The following ASAP1 variants were observed in gnomAD, a reference collection of about 807,000 sequenced individuals.
ASAP1 encodes ArfGAP with SH3 domain, ankyrin repeat and PH domain 1, also known as arf-GAP with SH3 domain, ANK repeat and PH domain-containing protein 1.
In ASAP1, 43 loss-of-function variants were observed where a neutral mutation model predicts 145.2. The observed-to-expected ratio is 0.30, with a 90% confidence interval of 0.23 to 0.38. ASAP1 has a LOEUF of 0.38. ASAP1 is among the 10% of genes least tolerant of loss of function. The probability of loss-of-function intolerance (pLI) is 1.00; values close to 1 mark genes in which losing one functional copy is unlikely to be tolerated. For synonymous variants in ASAP1, 546 were observed against 515.5 expected, an observed-to-expected ratio of 1.06 and a Z score of -0.80; for missense variants, 1,018 against 1,355.3, an observed-to-expected ratio of 0.75 and a Z score of 3.91.
At chr8:130,240,281 T>A (rs1002708591) in intron 3 of ASAP1, among the ~76,000 whole-genome samples, 1 of 152,060 alleles carries the variant, frequency 6.6e-6, no homozygotes, top group East Asian at 1.9e-4. Flanking sequence ...ACAGCTACAG[T>A]CAGGTAAGTC....
chr8:130,124,181 T>G, intron 17 of ASAP1, 77 bp from the exon 18 acceptor site: 1 of 1,023,974 alleles, frequency 9.8e-7, no homozygotes, highest in Non-Finnish European at 1.5e-6. Context: ...TATTTGTTTT[T>G]GAGATTTATG....
intron 15 of ASAP1, among the ~76,000 whole-genome samples, chr8:130,131,215 T>C (rs1271131804): frequency 2.6e-5 from 4 of 152,202 alleles, no homozygotes; most frequent in Admixed American, 1.3e-4. Flanking sequence ...CAGCAGAGCC[T>C]GGACAAGAAG....
chr8:130,362,946 G>C (rs1397949591), intron 2 of ASAP1, among the ~76,000 whole-genome samples: 1 of 152,192 alleles, frequency 6.6e-6, no homozygotes, highest in East Asian at 1.9e-4. Context: ...ATAGCATGGG[G>C]CATTTCTTTT....
At chr8:130,319,439 T>C (rs1399434637) in intron 3 of ASAP1, among the ~76,000 whole-genome samples, 1 of 152,188 alleles carries the variant, frequency 6.6e-6, no homozygotes, top group Non-Finnish European at 1.5e-5. Context: ...GTGGTGGGGA[T>C]TGCTCCAGGC....
At chr8:130,419,576 G>C (rs945505838) in intron 1 of ASAP1, among the ~76,000 whole-genome samples, 2 of 152,318 alleles carry the variant, frequency 1.3e-5, no homozygotes, top group Admixed American at 1.3e-4. Flanking sequence ...CACTGTGCCA[G>C]TCCCCCTCCA....
intron 24 of ASAP1, among the ~76,000 whole-genome samples, chr8:130,104,932 C>T (rs2097534513): frequency 6.6e-6 from 1 of 152,026 alleles, no homozygotes; most frequent in Non-Finnish European, 1.5e-5. Flanking sequence ...TCTGTAGAAA[C>T]ATAATTTACA....
chr8:130,065,373 C>T (rs529292450), intron 27 of ASAP1, among the ~76,000 whole-genome samples: 6 of 152,290 alleles, frequency 3.9e-5, no homozygotes, highest in African/African-American at 1.4e-4. Context: ...TCTAGAAGCT[C>T]CTTGAACCCA....
At chr8:130,102,620 T>C (rs1478458316) in intron 24 of ASAP1, among the ~76,000 whole-genome samples, 1 of 152,198 alleles carries the variant, frequency 6.6e-6, no homozygotes, top group East Asian at 1.9e-4. Context: ...TTGGAAGAGT[T>C]AGGAAAAATT....
chr8:130,237,682 T>A (rs1396341789), intron 3 of ASAP1, among the ~76,000 whole-genome samples: 2 of 152,084 alleles, frequency 1.3e-5, no homozygotes, highest in Non-Finnish European at 2.9e-5. Flanking sequence ...TCTATTGTTG[T>A]TGATTCTTAA....
intron 7 of ASAP1, among the ~76,000 whole-genome samples, chr8:130,186,517 T>C (rs2136212596): frequency 6.6e-6 from 1 of 152,146 alleles, no homozygotes; most frequent in Admixed American, 6.6e-5. Context: ...AGGGTAATAA[T>C]AATAAAGGAA....
chr8:130,225,625 C>T (rs1471820767), intron 4 of ASAP1, among the ~76,000 whole-genome samples: 1 of 152,098 alleles, frequency 6.6e-6, no homozygotes. Flanking sequence ...ACAGACAACA[C>T]TTGGATGGAG....
chr8:130,067,691 G>A lies in ASAP1; in HGVS notation c.2702-6622C>T, dbSNP rs886546176. On this transcript the variant is annotated intron_variant, in intron 27 of 29. Transcript: ENST00000518721. Reference sequence around the variant, plus strand: ...GCTTGGATTACAGGTGTGAGCCACCGTGCCCAGCCCCACTGCTTTAATCCC... The same window carrying A: ...GCTTGGATTACAGGTGTGAGCCACCATGCCCAGCCCCACTGCTTTAATCCC... 3.9e-5 allele frequency among the ~76,000 whole-genome samples: 6 copies of A among 152,122 alleles called. No individual in the cohort carries two copies. In the East Asian group the frequency reaches 5.8e-4, roughly 15 times the overall value.
At chr8:130,249,422 C>A (rs1369158525) in intron 3 of ASAP1, among the ~76,000 whole-genome samples, 2 of 152,158 alleles carry the variant, frequency 1.3e-5, no homozygotes, top group African/African-American at 2.4e-5. Context: ...GCCTTTATGA[C>A]TCTGGAGATG....
chr8:130,411,542 C>T (rs370238400), intron 1 of ASAP1, among the ~76,000 whole-genome samples: 3 of 152,318 alleles, frequency 2.0e-5, no homozygotes, highest in African/African-American at 7.2e-5. Context: ...CCTTGGATCA[C>T]CTCCCAAAGA....
At chr8:130,390,948 A>G (rs1373630628) in intron 2 of ASAP1, among the ~76,000 whole-genome samples, 5 of 132,812 alleles carry the variant, frequency 3.8e-5, no homozygotes, top group African/African-American at 1.6e-4. Context: ...CGCCCCCCCA[A>G]AATTGAAAGC....
chr8:130,400,002 TACAG>T (rs991168915), intron 2 of ASAP1, among the ~76,000 whole-genome samples: 7 of 152,258 alleles, frequency 4.6e-5, no homozygotes, highest in South Asian at 2.1e-4. Context: ...TCTTTTTTAG[TACAG>T]ACAGAGTTTC....
intron 2 of ASAP1, among the ~76,000 whole-genome samples, chr8:130,381,500 AGTAGCTACTT>A: frequency 6.6e-6 from 1 of 152,338 alleles, no homozygotes; most frequent in South Asian, 2.1e-4. Context: ...TTAAGTTCTT[AGTAGCTACTT>A]GAAGTGGCTA....
chr8:130,150,236 T>C (rs188335463), intron 13 of ASAP1, among the ~76,000 whole-genome samples: 1 of 152,206 alleles, frequency 6.6e-6, no homozygotes, highest in Admixed American at 6.5e-5. Context: ...GTGGATGATG[T>C]GATGAGACTT....
At chr8:130,323,034 G>A (rs1824107050) in intron 3 of ASAP1, among the ~76,000 whole-genome samples, 1 of 152,242 alleles carries the variant, frequency 6.6e-6, no homozygotes, top group African/African-American at 2.4e-5. Flanking sequence ...GCAATGCAAT[G>A]AAATTATCGT....
Sources: allele counts gnomAD v4.1 joint callset (sites outside exome capture counted in the v4.1 genomes callset), GRCh38; gene constraint gnomAD v4.1.1; transcripts MANE v1.5; gene names NCBI Gene and HGNC (gene_info 2026-07-23, HGNC 2026-07-21).